GATA6: variants seen among roughly 807,000 people sequenced by gnomAD.
GATA6 encodes the protein transcription factor GATA-6.
GATA6 carries 11 observed loss-of-function variants against 48.1 expected under a neutral mutation model. That is an observed-to-expected ratio of 0.23 (90% CI 0.14 to 0.38). The LOEUF (loss-of-function observed/expected upper bound fraction) is 0.38, where lower values mean the gene tolerates loss of function less well. Ranked by LOEUF, GATA6 falls within the 10% of genes least tolerant of loss-of-function variation. The pLI, the probability that GATA6 is intolerant of heterozygous loss-of-function variation, is 1.00. For missense variants in GATA6, 795 were observed against 850.3 expected (o/e 0.93, Z 0.81); for synonymous variants, 419 against 396.1 (o/e 1.06, Z -0.69).
chr18:22,181,453 C>A lies in GATA6; in HGVS notation c.1303C>A (p.Pro435Thr), dbSNP rs1182565719. The change falls in exon 4 of 7, where the codon CCT becomes ACT. Residue 435 changes from proline (P) to threonine (T), a missense_variant and splice_region_variant. Physicochemically the swap from Pro to Thr is conservative, Grantham distance 38. This residue lies in a region of GATA6 where 76 missense variants were observed against 113.1 expected (regional missense o/e 0.67). Coordinates refer to ENST00000269216, the MANE Select transcript of GATA6 (RefSeq NM_005257.6). The stretch of plus-strand genomic sequence containing the variant: ...ACTTATGTTCTTGTACTGTTTCTAG[C>A]CTTCATCACGGCGGCTTGGATTGTC... ...RPLIKPQKRV[P>T]SSRRLGLSCA... 2 of 1,614,096 alleles carry A rather than the reference C, an allele frequency of 1.2e-6. No homozygotes were observed. Among genetic ancestry groups the A allele is most frequent in the Admixed American group, 3.3e-5 (2 of 60,012 alleles).
rs1282394993 is a variant in GATA6, at chr18:22,200,612, T to TTC, written c.1621-41_1621-40dup. The TTC allele has an allele frequency of 1.3e-5, 21 of 1,613,150 alleles. No individual in the cohort carries two copies. In the Admixed American group the frequency reaches 3.5e-4, roughly 27 times the overall value. On this transcript the variant is annotated intron_variant, in intron 6 of 6. Coordinates refer to ENST00000269216, the MANE Select transcript of GATA6 (RefSeq NM_005257.6). ...ATTTCACTACCAGGATTGTAACCGC[T>TTC]TCTCACCTTCTCGTCTCTCCTCTGT...
intron 4 of GATA6, 144 bp from the exon 5 acceptor site, chr18:22,182,613 C>T: frequency 1.5e-6 from 1 of 657,650 alleles, no homozygotes; most frequent in South Asian, 1.9e-5. Flanking sequence ...CTGCCTCGGC[C>T]TCTGAAAGTG....
At chr18:22,177,284 C>T (rs2033135300) in intron 3 of GATA6, among the ~76,000 whole-genome samples, 163 bp downstream of exon 3, 2 of 152,120 alleles carry the variant, frequency 1.3e-5, no homozygotes, top group African/African-American at 2.4e-5. Context: ...CCATCCTGTC[C>T]CGGCTGTTCC....
intron 6 of GATA6, among the ~76,000 whole-genome samples, chr18:22,190,688 C>A (rs926292791): frequency 1.3e-5 from 2 of 152,116 alleles, no homozygotes; most frequent in Non-Finnish European, 2.9e-5. Context: ...GTATTGAAGC[C>A]GGGACTGGAA....
rs1480675269 is a variant in GATA6, at chr18:22,201,471, TAA to T, written c.*652_*653del. 1 of 152,824 alleles carries T rather than the reference TAA, an allele frequency of 6.5e-6. No homozygotes were observed. The highest frequency in any genetic ancestry group is 1.5e-5 in the Non-Finnish European group (1 of 68,164). The allele number at this position is 152,824 out of a possible 1,614,324, so 9.5% of individuals were successfully genotyped here. On this transcript the variant is annotated 3_prime_UTR_variant, in exon 7 of 7. Coordinates refer to ENST00000269216, the MANE Select transcript of GATA6 (RefSeq NM_005257.6). ...TCTTCCATGTATACAATAATTTTTT[TAA>T]AAAGTGCAATTTGCGTTGCAGCAAT...
Position 22,172,706 on chromosome 18 carries a change from G to A in GATA6, c.1135+427G>A, listed in dbSNP as rs992603033. On this transcript the variant is annotated intron_variant, in intron 2 of 6. Transcript: ENST00000269216. This position sits in a 1 kb window ranked among gnomAD's most constrained non-coding sequence, Gnocchi z 5.2. ...GGGAGTAAGTTTGGGAGAGTGGCGG[G>A]CACTTGATCCACCCCCAAACAGACA... Among the ~76,000 whole-genome samples the A allele has an allele frequency of 2.6e-5, 4 of 152,124 alleles. No individual in the cohort carries two copies. Among genetic ancestry groups the A allele is most frequent in the Admixed American group, 2.0e-4 (3 of 15,276 alleles).
At position 22,171,956 on chromosome 18, in the gene GATA6, T is replaced by C. The variant is rs1245091745; in HGVS notation, c.812T>C (p.Met271Thr). 9.2e-6 allele frequency: 11 copies of C among 1,201,268 alleles called. No individual in the cohort carries two copies. The highest frequency in any genetic ancestry group is 1.6e-5 in the African/African-American group (1 of 62,880). 74.4% of individuals were successfully genotyped at this position (1,201,268 alleles called of 1,614,324 possible). The change falls in exon 2 of 7, where the codon ATG (methionine) becomes ACG (threonine). Residue 271 changes from methionine (M) to threonine (T), a missense_variant. Physicochemically the swap from Met to Thr is moderately conservative, Grantham distance 81. Coordinates refer to ENST00000269216, the MANE Select transcript of GATA6 (RefSeq NM_005257.6). This position sits in a 1 kb window ranked among gnomAD's most constrained non-coding sequence, Gnocchi z 7.1. ...TTCCCCTACTCTCCCAGCCCGCCCA[T>C]GGCCAACGGCGCCGCGCGGGAGCCG... ...ARFPYSPSPP[M>T]ANGAAREPGG...
At chr18:22,192,226 A>G (rs1375896646) in intron 6 of GATA6, among the ~76,000 whole-genome samples, 1 of 152,162 alleles carries the variant, frequency 6.6e-6, no homozygotes, top group Non-Finnish European at 1.5e-5. Context: ...TCCTTCTACT[A>G]AAGGGGAAAA....
rs2033058349 is a variant in GATA6, at chr18:22,172,011, C to T, written c.867C>T (p.Gly289=). ...PGGYAAAGSG[G]AGGVSGGGSS... ...GCTACGCGGCGGCGGGCAGTGGGGGCGCGGGAGGCGTGAGCGGCGGCGGCA... is the reference window on the plus strand; with the variant it reads ...GCTACGCGGCGGCGGGCAGTGGGGGTGCGGGAGGCGTGAGCGGCGGCGGCA... The change falls in exon 2 of 7, where the codon GGC becomes GGT. Residue 289 remains glycine, a synonymous_variant. Transcript: ENST00000269216. This position sits in a 1 kb window ranked among gnomAD's most constrained non-coding sequence, Gnocchi z 5.2. The T allele has an allele frequency of 1.6e-6, 2 of 1,239,386 alleles. No individual in the cohort carries two copies. Among genetic ancestry groups the T allele is most frequent in the Non-Finnish European group, 2.0e-6 (2 of 994,198 alleles). 76.8% of individuals were successfully genotyped at this position (1,239,386 alleles called of 1,614,324 possible).
At chr18:22,198,243 G>A (rs148794592) in intron 6 of GATA6, among the ~76,000 whole-genome samples, 1 of 152,104 alleles carries the variant, frequency 6.6e-6, no homozygotes, top group South Asian at 2.1e-4. Context: ...GCTAACTTTT[G>A]TATTTTTTGT....
At chr18:22,182,481 C>T (rs2033211090) in intron 4 of GATA6, among the ~76,000 whole-genome samples, 1 of 152,010 alleles carries the variant, frequency 6.6e-6, no homozygotes, top group African/African-American at 2.4e-5. Context: ...CCTTAGCCTC[C>T]CAAGTAGCTG....
chr18:22,197,557 C>T (rs1038045853), intron 6 of GATA6, among the ~76,000 whole-genome samples: 4 of 152,186 alleles, frequency 2.6e-5, no homozygotes, highest in Admixed American at 1.3e-4. Context: ...TCTCTTCATC[C>T]GCCCTGCCTC....
chr18:22,186,499 A>G (rs2033263529), intron 6 of GATA6, among the ~76,000 whole-genome samples: 1 of 152,214 alleles, frequency 6.6e-6, no homozygotes, highest in Non-Finnish European at 1.5e-5. Flanking sequence ...GTCCTGGGAC[A>G]TGACAGGAAC....
At position 22,201,721 on chromosome 18, in the gene GATA6, T is replaced by C. The variant is rs2033464384; in HGVS notation, c.*898T>C. 1 of 152,630 alleles carries C rather than the reference T, an allele frequency of 6.6e-6. No homozygotes were observed. The highest frequency in any genetic ancestry group is 6.5e-5 in the Admixed American group (1 of 15,280). The allele number at this position is 152,630 out of a possible 1,614,324, so 9.5% of individuals were successfully genotyped here. ...ATTGCCTTTCTCTATTTGTTAAGAA[T>C]TTTTATACAAGAACACCAATATACC... On this transcript the variant is annotated 3_prime_UTR_variant, in exon 7 of 7. Coordinates refer to ENST00000269216, the MANE Select transcript of GATA6 (RefSeq NM_005257.6).
At chr18:22,200,485 G>A in intron 6 of GATA6, 171 bp from the exon 7 acceptor site, 1 of 810,896 alleles carries the variant, frequency 1.2e-6, no homozygotes, top group Admixed American at 1.9e-5. Context: ...CCCACTTGCT[G>A]GGGGCAGGGG....
Position 22,172,735 on chromosome 18 carries a change from A to G in GATA6, c.1135+456A>G, listed in dbSNP as rs2033072397. Among the ~76,000 whole-genome samples the G allele has an allele frequency of 6.6e-6, 1 of 152,156 alleles. No individual in the cohort carries two copies. The highest frequency in any genetic ancestry group is 1.5e-5 in the Non-Finnish European group (1 of 68,028). On this transcript the variant is annotated intron_variant, in intron 2 of 6. Coordinates refer to ENST00000269216, the MANE Select transcript of GATA6 (RefSeq NM_005257.6). This position sits in a 1 kb window ranked among gnomAD's most constrained non-coding sequence, Gnocchi z 5.2. ...TTGATCCACCCCCAAACAGACACAC[A>G]AGCACATGCAGGCTCACCCAGTTTA...
chr18:22,200,785 G>C lies in GATA6; in HGVS notation c.1750G>C (p.Val584Leu). 6.2e-7 allele frequency: 1 copy of C among 1,613,170 alleles called. No individual in the cohort carries two copies. The stretch of plus-strand genomic sequence containing the variant: ...CTCGCCGGCCGAAGTCACGTCCTCC[G>C]TGCGACCGGATTCCTGGTGCGCCCT... ...LASPAEVTSS[V>L]RPDSWCALAL... The change falls in exon 7 of 7, where the codon GTG becomes CTG. Residue 584 changes from valine (V) to leucine (L), a missense_variant. Physicochemically the swap from Val to Leu is conservative, Grantham distance 32 (BLOSUM62 1). Around this residue, in one of 5 missense-constraint regions of GATA6, gnomAD observed 103 missense variants for 103.7 expected, o/e 0.99. Coordinates refer to ENST00000269216, the MANE Select transcript of GATA6 (RefSeq NM_005257.6).
In GATA6 at chr18:22,181,470, T is replaced by A. The variant is rs146624465; in HGVS notation, c.1320T>A (p.Leu440=). ...GTTTCTAGCCTTCATCACGGCGGCTTGGATTGTCCTGTGCCAACTGTCACA... is the reference window on the plus strand; with the variant it reads ...GTTTCTAGCCTTCATCACGGCGGCTAGGATTGTCCTGTGCCAACTGTCACA... ...PQKRVPSSRR[L]GLSCANCHTT... Residue 440 remains leucine, a synonymous_variant, in exon 4 of 7, where the codon CTT becomes CTA. Coordinates refer to ENST00000269216, the MANE Select transcript of GATA6 (RefSeq NM_005257.6). 7.7e-5 allele frequency: 125 copies of A among 1,614,120 alleles called. No individual in the cohort carries two copies. Among genetic ancestry groups the A allele is most frequent in the Non-Finnish European group, 1.0e-4 (118 of 1,180,048 alleles).
intron 6 of GATA6, among the ~76,000 whole-genome samples, chr18:22,194,239 C>T (rs2033363040): frequency 4.6e-5 from 7 of 152,240 alleles, no homozygotes; most frequent in Admixed American, 3.9e-4. Flanking sequence ...TCCCACCTAA[C>T]CCGGCCAGCT....
Sources: gnomAD v4.1 joint callset for allele counts (sites outside exome capture counted in the v4.1 genomes callset) on GRCh38, gnomAD v4.1.1 for gene constraint, gnomAD v4.1.1 regional missense constraint, Gnocchi (gnomAD v3.1) non-coding constraint, MANE v1.5 for transcripts, NCBI Gene and HGNC (gene_info 2026-07-23, HGNC 2026-07-21) for gene names.